NXPE2: variants seen among roughly 807,000 people sequenced by gnomAD.
NXPE2 encodes the protein neurexophilin and PC-esterase domain family member 2, also known as NXPE family member 2.
NXPE2 carries 34 observed loss-of-function variants against 34.4 expected under a neutral mutation model. The observed-to-expected ratio is 0.99, with a 90% CI of 0.75 to 1.31. The LOEUF is 1.31. Among genes scored for constraint, NXPE2 ranks in the 40% most tolerant of loss-of-function variants. NXPE2 has a pLI of 0.00. For synonymous variants in NXPE2, 235 were observed against 231.3 expected (o/e 1.02, Z -0.15); for missense variants, 649 against 672.5 (o/e 0.97, Z 0.39).
chr11:114,533,859 G>T, the NXPE2 span, among the ~76,000 whole-genome samples: 1 of 152,230 alleles, frequency 6.6e-6, no homozygotes, highest in African/African-American at 2.4e-5. Flanking sequence ...ACCTCTGGGG[G>T]CAGGGCACAG....
the NXPE2 span, among the ~76,000 whole-genome samples, chr11:114,715,115 T>C: frequency 6.6e-6 from 1 of 152,200 alleles, no homozygotes; most frequent in Non-Finnish European, 1.5e-5. Context: ...GGATAGATTA[T>C]TTTGATTATC....
At chr11:114,497,602 G>A in the NXPE2 span, among the ~76,000 whole-genome samples, 2 of 152,166 alleles carry the variant, frequency 1.3e-5, no homozygotes, top group African/African-American at 2.4e-5. Context: ...AGGAGCAATA[G>A]GCAATATCAT....
chr11:114,600,695 C>T, the NXPE2 span, among the ~76,000 whole-genome samples: 6 of 151,906 alleles, frequency 3.9e-5, no homozygotes, highest in Admixed American at 6.6e-5. Flanking sequence ...AGGACATTAA[C>T]GGAAAAACTA....
At chr11:114,728,816 A>G in the NXPE2 span, among the ~76,000 whole-genome samples, 1 of 152,166 alleles carries the variant, frequency 6.6e-6, no homozygotes, top group Non-Finnish European at 1.5e-5. Flanking sequence ...TGAGAAAGAC[A>G]GTTGGAAAGA....
the NXPE2 span, among the ~76,000 whole-genome samples, chr11:114,758,876 A>C: frequency 5.4e-5 from 8 of 149,388 alleles, no homozygotes; most frequent in Non-Finnish European, 7.4e-5. Context: ...TATTTTTAAA[A>C]TATAAACGTA....
chr11:114,766,177 T>C, the NXPE2 span, among the ~76,000 whole-genome samples: 1 of 152,186 alleles, frequency 6.6e-6, no homozygotes, highest in African/African-American at 2.4e-5. Context: ...AAATGAACCC[T>C]TTCCTTGTTC....
At chr11:114,618,614 AT>A in the NXPE2 span, among the ~76,000 whole-genome samples, 886 of 151,974 alleles carry the variant, frequency 5.8e-3, 4 homozygotes, top group African/African-American at 0.019. Context: ...GATAATAAGT[AT>A]TGCCTTGTGA....
chr11:114,705,838 G>T lies in NXPE2; in HGVS notation c.986G>T (p.Gly329Val), dbSNP rs1190758750. ...QIGMKTPFPS[G>V]YTLKKMWITA... ...GGAATGAAGACTCCTTTCCCCAGTGGTTATACTTTGAAAAAAATGTGGATT... is the reference window on the plus strand; with the variant it reads ...GGAATGAAGACTCCTTTCCCCAGTGTTTATACTTTGAAAAAAATGTGGATT... The change falls in exon 5 of 6, where the codon GGT becomes GTT. Residue 329 changes from glycine to valine, a missense_variant. Transcript: ENST00000389586. 7 of 1,540,990 alleles carry T rather than the reference G, an allele frequency of 4.5e-6. No homozygotes were observed. The highest frequency in any genetic ancestry group is 6.1e-6 in the Non-Finnish European group (7 of 1,142,464).
At chr11:114,559,326 G>T in the NXPE2 span, among the ~76,000 whole-genome samples, 40 of 152,192 alleles carry the variant, frequency 2.6e-4, no homozygotes, top group African/African-American at 8.9e-4. Context: ...AGACCACAAC[G>T]ATCTCTCCCG....
At chr11:114,650,077 A>C in the NXPE2 span, among the ~76,000 whole-genome samples, 1 of 152,338 alleles carries the variant, frequency 6.6e-6, no homozygotes, top group East Asian at 1.9e-4. Context: ...ACAATGAGAA[A>C]AAAAATCCAG....
chr11:114,768,575 C>T, the NXPE2 span, among the ~76,000 whole-genome samples: 1 of 152,138 alleles, frequency 6.6e-6, no homozygotes, highest in Non-Finnish European at 1.5e-5. Flanking sequence ...TTTGTGTCCT[C>T]TCTTATTTCC....
chr11:114,598,550 GTCTC>G, the NXPE2 span, among the ~76,000 whole-genome samples: 4 of 152,348 alleles, frequency 2.6e-5, no homozygotes, highest in East Asian at 7.7e-4. Flanking sequence ...TCTAAGTAGA[GTCTC>G]TCAAGCCTCA....
the NXPE2 span, among the ~76,000 whole-genome samples, chr11:114,569,264 A>T: frequency 6.6e-6 from 1 of 152,312 alleles, no homozygotes; most frequent in East Asian, 1.9e-4. Context: ...TATTCAACTG[A>T]AATTCTCATA....
At chr11:114,577,060 T>TATATATATATAAAGTTATATATATAC in the NXPE2 span, among the ~76,000 whole-genome samples, 11 of 48,374 alleles carry the variant, frequency 2.3e-4, no homozygotes, top group Admixed American at 1.3e-3. Flanking sequence ...TATATATACA[T>TATATATATATAAAGTTATATATATAC]ATATATATAT....
At chr11:114,772,490 T>C in the NXPE2 span, among the ~76,000 whole-genome samples, 1 of 152,164 alleles carries the variant, frequency 6.6e-6, no homozygotes, top group African/African-American at 2.4e-5. Flanking sequence ...ATATTCAATA[T>C]CTTACATGTA....
At chr11:114,797,556 G>A in the NXPE2 span, among the ~76,000 whole-genome samples, 1 of 152,122 alleles carries the variant, frequency 6.6e-6, no homozygotes, top group African/African-American at 2.4e-5. Flanking sequence ...GAGCTCCTCA[G>A]GCTCAGCACC....
At chr11:114,727,679 T>A in the NXPE2 span, among the ~76,000 whole-genome samples, 1 of 151,922 alleles carries the variant, frequency 6.6e-6, no homozygotes, top group Admixed American at 6.6e-5. Flanking sequence ...TTATTAGCTG[T>A]TTTGATATTT....
At chr11:114,671,340 G>GAAC in the NXPE2 span, among the ~76,000 whole-genome samples, 3 of 151,162 alleles carry the variant, frequency 2.0e-5, no homozygotes, top group African/African-American at 7.3e-5. Flanking sequence ...AGAGGAATTA[G>GAAC]GAGAGGATAG....
the NXPE2 span, among the ~76,000 whole-genome samples, chr11:114,589,114 T>G: frequency 3.3e-5 from 5 of 152,166 alleles, no homozygotes; most frequent in East Asian, 9.7e-4. Flanking sequence ...GTCAGAGGAC[T>G]TTAAAAAGGA....
Sources: allele counts gnomAD v4.1 joint callset (sites outside exome capture counted in the v4.1 genomes callset), GRCh38; gene constraint gnomAD v4.1.1; transcripts MANE v1.5; gene names NCBI Gene and HGNC (gene_info 2026-07-23, HGNC 2026-07-21).